PLCD4: variants seen among roughly 807,000 people sequenced by gnomAD.
PLCD4 encodes 1-phosphatidylinositol 4,5-bisphosphate phosphodiesterase delta-4.
In PLCD4, 63 loss-of-function variants were observed where a neutral mutation model predicts 90.2. That is an observed-to-expected ratio of 0.70 (90% CI 0.57 to 0.86). The LOEUF is 0.86. PLCD4 is among the 40% of genes least tolerant of loss of function. The pLI is 0.00. For missense variants in PLCD4, 830 were observed against 956.3 expected (o/e 0.87, Z 1.74); for synonymous variants, 294 against 356.5 (o/e 0.82, Z 1.97).
intron 8 of PLCD4, 42 bp from the exon 9 acceptor site, chr2:218,630,608 T>C (rs1217381443): frequency 1.2e-6 from 2 of 1,613,344 alleles, no homozygotes; most frequent in Non-Finnish European, 8.5e-7. Flanking sequence ...GGTTGCAGTG[T>C]TTTAGAACTC....
intron 1 of PLCD4, among the ~76,000 whole-genome samples, chr2:218,614,173 C>T (rs1007120851): frequency 6.6e-5 from 10 of 151,992 alleles, no homozygotes; most frequent in African/African-American, 1.7e-4. Context: ...GTGCACACAA[C>T]CACACCCGGC....
Position 218,629,232 on chromosome 2 carries a change from A to G in PLCD4, c.975-287A>G, listed in dbSNP as rs1004086155. The G allele has an allele frequency of 9.6e-5, 30 of 313,956 alleles. No individual in the cohort carries two copies. In the East Asian group the frequency reaches 1.6e-3, roughly 16 times the overall value. The allele number at this position is 313,956 out of a possible 1,614,324, so 19.4% of individuals were successfully genotyped here. On this transcript the variant is annotated intron_variant, in intron 7 of 15. Transcript: ENST00000450993. Reference sequence around the variant, plus strand: ...CCCTGTCTCAAAAAAATAAAAGTAAATATAAATAAATAAGTAAAACCAGAA... The same window carrying G: ...CCCTGTCTCAAAAAAATAAAAGTAAGTATAAATAAATAAGTAAAACCAGAA...
intron 1 of PLCD4, among the ~76,000 whole-genome samples, chr2:218,614,057 T>C (rs1695468927): frequency 6.6e-6 from 1 of 151,922 alleles, no homozygotes; most frequent in Non-Finnish European, 1.5e-5. Flanking sequence ...TCTCGCTCTG[T>C]TGCCCAGGCT....
intron 3 of PLCD4, among the ~76,000 whole-genome samples, chr2:218,618,089 AAAACAAACAAACAAAC>A (rs61169386): frequency 6.6e-6 from 1 of 151,124 alleles, no homozygotes; most frequent in Non-Finnish European, 1.5e-5. Flanking sequence ...TCCATGTCAA[AAAACAAACAAACAAAC>A]AAACAAACAA....
In PLCD4 at chr2:218,636,308, C is replaced by A. The variant is rs574560418; in HGVS notation, c.2098C>A (p.Arg700Ser). The A allele has an allele frequency of 6.2e-7, 1 of 1,614,004 alleles. No individual in the cohort carries two copies. Among genetic ancestry groups the A allele is most frequent in the Non-Finnish European group, 8.5e-7 (1 of 1,179,900 alleles). Residue 700 changes from arginine (R) to serine (S), a missense_variant, in exon 15 of 16, where the codon CGT becomes AGT. By Grantham distance (110) the Arg-to-Ser change is moderately radical (BLOSUM62 -1). Transcript: ENST00000450993. The stretch of plus-strand genomic sequence containing the variant: ...GCTGGTGCCTGAACTTGCCATGCTG[C>A]GTTTTGTGGTAATGGATTATGACTG... ...RVLVPELAML[R>S]FVVMDYDWKS...
chr2:218,630,561 A>C, intron 8 of PLCD4, 89 bp from the exon 9 acceptor site: 1 of 1,479,176 alleles, frequency 6.8e-7, no homozygotes, highest in African/African-American at 1.4e-5. Context: ...TGAGTGAGTA[A>C]GTAGGGAGGC....
At chr2:218,628,531 T>C (rs1696216430) in intron 7 of PLCD4, 4 of 283,042 alleles carry the variant, frequency 1.4e-5, no homozygotes, top group Admixed American at 4.5e-5. Flanking sequence ...CAATAGAGAA[T>C]AGGAGTTAAA....
chr2:218,621,903 C>T (rs111767800), intron 5 of PLCD4, among the ~76,000 whole-genome samples: 12 of 151,806 alleles, frequency 7.9e-5, no homozygotes, highest in Admixed American at 4.6e-4. Context: ...CACAGTGAAA[C>T]CCCCGTCTCT....
chr2:218,625,803 G>A (rs1050383438), intron 6 of PLCD4, among the ~76,000 whole-genome samples: 3 of 151,986 alleles, frequency 2.0e-5, no homozygotes, highest in Admixed American at 1.3e-4. Flanking sequence ...GTATGGTGGC[G>A]GGCACCTGTA....
chr2:218,631,612 T>C (rs1001916221), intron 9 of PLCD4, among the ~76,000 whole-genome samples: 3 of 151,910 alleles, frequency 2.0e-5, no homozygotes, highest in Admixed American at 6.6e-5. Context: ...CTGGCCAACA[T>C]AGTGAAAACC....
chr2:218,633,380 C>G, intron 10 of PLCD4: 1 of 706,156 alleles, frequency 1.4e-6, no homozygotes, highest in Non-Finnish European at 2.6e-6. Flanking sequence ...CCATTCCCAC[C>G]CCCAGGTTGT....
intron 13 of PLCD4, 143 bp from the exon 14 acceptor site, chr2:218,635,653 C>A: frequency 1.6e-6 from 2 of 1,216,188 alleles, no homozygotes; most frequent in Non-Finnish European, 2.2e-6. Flanking sequence ...TTTTAAATTG[C>A]AGATAGAATA....
chr2:218,631,410 C>T (rs1286108883), intron 9 of PLCD4, among the ~76,000 whole-genome samples: 2 of 152,152 alleles, frequency 1.3e-5, no homozygotes, highest in East Asian at 1.9e-4. Flanking sequence ...GTGATCCACC[C>T]TCCTCAGCCT....
intron 2 of PLCD4, 32 bp from the exon 3 acceptor site, chr2:218,615,872 T>C (rs1695556627): frequency 6.2e-7 from 1 of 1,611,964 alleles, no homozygotes; most frequent in African/African-American, 1.3e-5. Flanking sequence ...CCCTCTCTGC[T>C]GGCTACCTAA....
intron 1 of PLCD4, among the ~76,000 whole-genome samples, chr2:218,610,133 T>A (rs58227790): frequency 0.042 from 6,351 of 151,522 alleles, 177 homozygotes; most frequent in East Asian, 0.12. Context: ...AATAATAATT[T>A]AAAAAAAATT....
At chr2:218,627,734 G>A (rs1370128850) in intron 6 of PLCD4, among the ~76,000 whole-genome samples, 1 of 152,112 alleles carries the variant, frequency 6.6e-6, no homozygotes. Flanking sequence ...GGGTGGTCTC[G>A]ATCTCCTGAC....
At chr2:218,635,146 T>C (rs1344316193) in intron 13 of PLCD4, among the ~76,000 whole-genome samples, 1 of 151,904 alleles carries the variant, frequency 6.6e-6, no homozygotes, top group Non-Finnish European at 1.5e-5. Context: ...TGACTATAGA[T>C]AGTCCTGGCT....
In PLCD4 at chr2:218,637,126, C is replaced by T. The variant is rs1696811685; in HGVS notation, c.*549C>T. 6.2e-6 allele frequency: 2 copies of T among 323,682 alleles called. No individual in the cohort carries two copies. Among genetic ancestry groups the T allele is most frequent in the South Asian group, 2.6e-5 (1 of 37,912 alleles). 20.1% of individuals were successfully genotyped at this position (323,682 alleles called of 1,614,324 possible). A position where few individuals can be genotyped will look rare whatever the true frequency, so the allele number is the denominator to read the frequency against. On this transcript the variant is annotated 3_prime_UTR_variant, in exon 16 of 16. Transcript: ENST00000450993. ...ACTGCACAGCACTCAAAGTCCCCCA[C>T]TGGACTGCTTCCTCCTTAGCCCCAC... is the stretch of plus-strand genomic sequence containing the variant.
Position 218,618,826 on chromosome 2 carries a change from C to T in PLCD4, c.410+19C>T. 6.4e-7 allele frequency: 1 copy of T among 1,561,758 alleles called. No individual in the cohort carries two copies. The highest frequency in any genetic ancestry group is 8.7e-7 in the Non-Finnish European group (1 of 1,151,568). ...TGGACCAGTATCGGCAGGATGGAGTCAGGGTGGGGGTGAGGGATCACGCTA... is the reference window on the plus strand; with the variant it reads ...TGGACCAGTATCGGCAGGATGGAGTTAGGGTGGGGGTGAGGGATCACGCTA... On this transcript the variant is annotated intron_variant, in intron 4 of 15. Transcript: ENST00000450993.
Sources: allele counts gnomAD v4.1 joint callset (sites outside exome capture counted in the v4.1 genomes callset), GRCh38; gene constraint gnomAD v4.1.1; transcripts MANE v1.5; gene names NCBI Gene and HGNC (gene_info 2026-07-23, HGNC 2026-07-21).